The following DLGAP5 variants were observed in gnomAD, a reference collection of about 807,000 sequenced individuals.
DLGAP5 encodes DLG associated protein 5.
DLGAP5 carries 90 observed loss-of-function variants against 99.6 expected under a neutral mutation model. The observed-to-expected ratio is 0.90, with a 90% CI of 0.76 to 1.08. DLGAP5 has a LOEUF of 1.08. DLGAP5 is among the 50% of genes least tolerant of loss of function. The pLI is 0.00. For synonymous variants in DLGAP5, 311 were observed against 321.3 expected, an observed-to-expected ratio of 0.97 and a Z score of 0.34; for missense variants, 1,036 against 983.5, an observed-to-expected ratio of 1.05 and a Z score of -0.71.
chr14:55,185,518 ACT>A (rs1217631143), intron 2 of DLGAP5, among the ~76,000 whole-genome samples: 1 of 151,064 alleles, frequency 6.6e-6, no homozygotes, highest in African/African-American at 2.4e-5. Context: ...ACAGAGTCTC[ACT>A]CTGTCGCCCA....
intron 14 of DLGAP5, among the ~76,000 whole-genome samples, chr14:55,157,619 C>CA (rs1426110744): frequency 3.3e-5 from 5 of 151,914 alleles, no homozygotes; most frequent in African/African-American, 7.3e-5. Context: ...GAGAAAATCA[C>CA]AAAAAAATGA....
intron 2 of DLGAP5, among the ~76,000 whole-genome samples, chr14:55,187,469 T>C (rs1281368844): frequency 2.0e-5 from 3 of 150,814 alleles, no homozygotes; most frequent in African/African-American, 4.9e-5. Flanking sequence ...CAGGTGTGTG[T>C]CACCACACCC....
intron 2 of DLGAP5, among the ~76,000 whole-genome samples, chr14:55,186,786 TACTG>T (rs969791671): frequency 1.8e-4 from 27 of 152,392 alleles, no homozygotes; most frequent in Admixed American, 1.5e-3. Context: ...TAACAAGCAG[TACTG>T]ACTAACATAG....
chr14:55,170,746 C>T lies in DLGAP5; in HGVS notation c.1343G>A (p.Cys448Tyr), dbSNP rs759488384. 1 of 1,613,688 alleles carries T rather than the reference C, an allele frequency of 6.2e-7. No individual in the cohort carries two copies. The highest frequency in any genetic ancestry group is 2.2e-5 in the East Asian group (1 of 44,762). Reference protein sequence around the residue: ...QSETEKLTSHCFEWDRKLELD... With the variant: ...QSETEKLTSHYFEWDRKLELD... ...TTCAAGTTTCCTGTCCCACTCGAAG[C>T]AATGTGAAGTTAATTTCTCAGTTTC... Residue 448 changes from cysteine to tyrosine, a missense_variant, in exon 11 of 19, where the codon TGC becomes TAC. Coordinates refer to ENST00000247191, the MANE Select transcript of DLGAP5 (RefSeq NM_014750.5).
chr14:55,172,808 C>A (rs556763264), intron 10 of DLGAP5, among the ~76,000 whole-genome samples: 1 of 151,380 alleles, frequency 6.6e-6, no homozygotes, highest in Non-Finnish European at 1.5e-5. Flanking sequence ...ATGGTGAAAC[C>A]CCGTCTCTAC....
In DLGAP5 at chr14:55,179,700, CTAAAACAACAAT is replaced by C; in HGVS notation, c.704-13_704-2del. ...GGCACCTTTCCTTCTGGTTCGTTTT[CTAAAACAACAAT>C]AAAATATTTATTTTACTAGATAGAA... On this transcript the variant is annotated splice_acceptor_variant and splice_polypyrimidine_tract_variant and intron_variant, in intron 6 of 18. Coordinates refer to ENST00000247191, the MANE Select transcript of DLGAP5 (RefSeq NM_014750.5). LOFTEE classifies it high-confidence loss of function. 1 of 1,605,144 alleles carries C rather than the reference CTAAAACAACAAT, an allele frequency of 6.2e-7. No individual in the cohort carries two copies. Among genetic ancestry groups the C allele is most frequent in the Non-Finnish European group, 8.5e-7 (1 of 1,176,282 alleles).
rs188482146 is a variant in DLGAP5 at position 55,148,387 on chromosome 14, C to T, written c.2505G>A (p.Leu835=). ...HARHISFGGN[L]ITFSPLQPGE... is the part of the protein sequence containing the mutation. ...CTGGTTGTAGAGGTGAAAAAGTAAT[C>T]AGGTTACCACCAAAAGAAATGTGTC... is the stretch of plus-strand genomic sequence containing the variant. The change falls in exon 19 of 19, where the codon CTG becomes CTA. Residue 835 remains leucine, a synonymous_variant. Coordinates refer to ENST00000247191, the MANE Select transcript of DLGAP5 (RefSeq NM_014750.5). The T allele has an allele frequency of 6.8e-6, 11 of 1,614,026 alleles. No individual in the cohort carries two copies. The Admixed American group carries it at 1.8e-4, about 27-fold the overall frequency.
At chr14:55,171,779 C>T (rs756022658) in intron 10 of DLGAP5, among the ~76,000 whole-genome samples, 5 of 152,100 alleles carry the variant, frequency 3.3e-5, no homozygotes, top group Non-Finnish European at 5.9e-5. Flanking sequence ...AAATATTATT[C>T]GGCCTTAAAA....
At chr14:55,174,844 C>T (rs1204409536) in intron 10 of DLGAP5, among the ~76,000 whole-genome samples, 2 of 152,114 alleles carry the variant, frequency 1.3e-5, no homozygotes, top group Admixed American at 6.5e-5. Flanking sequence ...GCGTGCACCA[C>T]CACGCCCGGA....
intron 10 of DLGAP5, among the ~76,000 whole-genome samples, chr14:55,171,045 C>T (rs1882841316): frequency 1.3e-5 from 2 of 152,192 alleles, no homozygotes; most frequent in Admixed American, 1.3e-4. Context: ...TTTAAGCTAA[C>T]ATTTCTAGTT....
At chr14:55,182,186 G>A (rs1274938930) in intron 4 of DLGAP5, among the ~76,000 whole-genome samples, 184 bp downstream of exon 4, 1 of 152,174 alleles carries the variant, frequency 6.6e-6, no homozygotes, top group Non-Finnish European at 1.5e-5. Context: ...CATACGGAAT[G>A]TTGGAGCAAA....
In DLGAP5 at chr14:55,177,131, G is replaced by A; in HGVS notation, c.980C>T (p.Pro327Leu). 1 of 1,589,804 alleles carries A rather than the reference G, an allele frequency of 6.3e-7. No individual in the cohort carries two copies. The highest frequency in any genetic ancestry group is 8.5e-7 in the Non-Finnish European group (1 of 1,171,220). The change falls in exon 8 of 19, where the codon CCT (proline) becomes CTT (leucine). Residue 327 changes from proline to leucine, a missense_variant. Pro to Leu is a moderately conservative substitution (Grantham distance 98). Transcript: ENST00000247191. ...AGCATTGGCACTTCTGGGAGTCATAGGTGTTACTTGATAGGTCTTCAGACC... is the reference window on the plus strand; with the variant it reads ...AGCATTGGCACTTCTGGGAGTCATAAGTGTTACTTGATAGGTCTTCAGACC... ...LDGLKTYQVTPMTPRSANAFL... is the reference protein window; with the variant it reads ...LDGLKTYQVTLMTPRSANAFL...
intron 5 of DLGAP5, among the ~76,000 whole-genome samples, 171 bp from the exon 6 acceptor site, chr14:55,180,949 T>C (rs1883252575): frequency 6.6e-6 from 1 of 152,160 alleles, no homozygotes; most frequent in African/African-American, 2.4e-5. Context: ...AGACCCCGTC[T>C]CTACAAAAAA....
At chr14:55,185,876 C>G (rs1362995312) in intron 2 of DLGAP5, among the ~76,000 whole-genome samples, 1 of 152,208 alleles carries the variant, frequency 6.6e-6, no homozygotes, top group Non-Finnish European at 1.5e-5. Context: ...ATACCTATTA[C>G]CAAGATTCAA....
intron 2 of DLGAP5, among the ~76,000 whole-genome samples, chr14:55,186,009 G>A (rs984823120): frequency 8.5e-5 from 13 of 152,162 alleles, no homozygotes; most frequent in Admixed American, 2.6e-4. Context: ...GATAGCTCAC[G>A]CCTGTACTCC....
chr14:55,173,694 T>A (rs537819585), intron 10 of DLGAP5, among the ~76,000 whole-genome samples: 1 of 152,254 alleles, frequency 6.6e-6, no homozygotes, highest in African/African-American at 2.4e-5. Context: ...TTATGAAGAT[T>A]TCATGGACAT....
intron 12 of DLGAP5, 56 bp from the exon 13 acceptor site, chr14:55,163,131 C>G (rs148385265): frequency 2.7e-6 from 3 of 1,100,936 alleles, no homozygotes; most frequent in Non-Finnish European, 3.8e-6. Context: ...AAGTTATAAA[C>G]GAATGAGCTG....
At chr14:55,178,553 T>A (rs1172502953) in intron 7 of DLGAP5, among the ~76,000 whole-genome samples, 2 of 152,208 alleles carry the variant, frequency 1.3e-5, no homozygotes, top group African/African-American at 4.8e-5. Flanking sequence ...AGAGTTTAAG[T>A]GGTAACACTG....
chr14:55,159,381 G>C (rs985040504), intron 13 of DLGAP5, among the ~76,000 whole-genome samples: 1 of 152,204 alleles, frequency 6.6e-6, no homozygotes, highest in Admixed American at 6.5e-5. Flanking sequence ...TTAAGCAGAA[G>C]ATTAACATCA....
Sources: allele counts gnomAD v4.1 joint callset (sites outside exome capture counted in the v4.1 genomes callset), GRCh38; gene constraint gnomAD v4.1.1; transcripts MANE v1.5; gene names NCBI Gene and HGNC (gene_info 2026-07-23, HGNC 2026-07-21).